Variants in RABGAP1L observed in about 807,000 individuals in gnomAD.
RABGAP1L encodes RAB GTPase activating protein 1 like.
RABGAP1L carries 63 observed loss-of-function variants against 137.7 expected under a neutral mutation model. The ratio of observed to expected loss-of-function variants is 0.46; its 90% CI spans 0.37 to 0.56. The LOEUF (loss-of-function observed/expected upper bound fraction) is 0.56, where lower values mean the gene tolerates loss of function less well. RABGAP1L is among the 20% of genes least tolerant of loss of function. The pLI, the probability that RABGAP1L is intolerant of heterozygous loss-of-function variation, is 0.00. For synonymous variants in RABGAP1L, 431 were observed against 433.7 expected (o/e 0.99, Z 0.08); for missense variants, 1,095 against 1,244.0 (o/e 0.88, Z 1.80).
At chr1:174,679,722 T>G (rs1241417421) in intron 14 of RABGAP1L, among the ~76,000 whole-genome samples, 1 of 152,230 alleles carries the variant, frequency 6.6e-6, no homozygotes, top group Non-Finnish European at 1.5e-5. Flanking sequence ...GGTTCATGAC[T>G]GTTAGACTCT....
chr1:174,657,415 A>G (rs1255172509), intron 14 of RABGAP1L, among the ~76,000 whole-genome samples: 1 of 152,038 alleles, frequency 6.6e-6, no homozygotes, highest in East Asian at 1.9e-4. Flanking sequence ...TACCCTTCCA[A>G]GCTTCTAGTA....
At chr1:174,303,782 A>G (rs759447725) in intron 10 of RABGAP1L, among the ~76,000 whole-genome samples, 10 of 152,224 alleles carry the variant, frequency 6.6e-5, no homozygotes, top group Non-Finnish European at 1.3e-4. Context: ...GAAATATTTT[A>G]CCACTATTGT....
intron 13 of RABGAP1L, among the ~76,000 whole-genome samples, chr1:174,492,218 T>C (rs1427090705): frequency 1.3e-5 from 2 of 150,584 alleles, no homozygotes; most frequent in South Asian, 2.1e-4. Flanking sequence ...TTCACTCTTA[T>C]TGCTCAGACT....
intron 19 of RABGAP1L, among the ~76,000 whole-genome samples, chr1:174,913,703 C>T (rs1660406869): frequency 6.6e-6 from 1 of 152,096 alleles, no homozygotes; most frequent in Non-Finnish European, 1.5e-5. Context: ...AATGAGCTGT[C>T]TGCAAAGGGT....
At chr1:174,710,325 A>T (rs755369625) in intron 17 of RABGAP1L, among the ~76,000 whole-genome samples, 1 of 152,212 alleles carries the variant, frequency 6.6e-6, no homozygotes, top group Non-Finnish European at 1.5e-5. Flanking sequence ...CCACAGAGAT[A>T]CTATTCCTTT....
chr1:174,662,074 G>A (rs1400102245), intron 14 of RABGAP1L, among the ~76,000 whole-genome samples: 1 of 150,852 alleles, frequency 6.6e-6, no homozygotes. Context: ...GGTCGTTCAG[G>A]AGGTATCCAG....
At chr1:174,638,363 G>A (rs910987212) in intron 14 of RABGAP1L, among the ~76,000 whole-genome samples, 1 of 152,120 alleles carries the variant, frequency 6.6e-6, no homozygotes, top group African/African-American at 2.4e-5. Flanking sequence ...TTTAAAAACA[G>A]CACTTATAAA....
At chr1:174,226,899 T>C (rs918148887) in intron 3 of RABGAP1L, among the ~76,000 whole-genome samples, 1 of 152,186 alleles carries the variant, frequency 6.6e-6, no homozygotes, top group Non-Finnish European at 1.5e-5. Context: ...AGTAAACTAC[T>C]ATCTGTGAGC....
In RABGAP1L at chr1:174,969,372, GAATGACTTGGATCAGGTAATCCTTAGA is replaced by G; in HGVS notation, c.2535_2544+17del. On this transcript the variant is annotated splice_donor_variant and splice_donor_5th_base_variant and coding_sequence_variant and intron_variant, in exon 21 of 26. Coordinates refer to ENST00000681986, the MANE Select transcript of RABGAP1L (RefSeq NM_001366446.1). LOFTEE classifies it high-confidence loss of function. Reference sequence around the variant, plus strand: ...TAGTAACAAGCAAAATTGCTCTACGGAATGACTTGGATCAGGTAATCCTTAGAAATGAGACTGTGATGACTTCCTCAG... The same window carrying G: ...TAGTAACAAGCAAAATTGCTCTACGGAATGAGACTGTGATGACTTCCTCAG... 1 of 1,549,528 alleles carries G rather than the reference GAATGACTTGGATCAGGTAATCCTTAGA, an allele frequency of 6.5e-7. No homozygotes were observed.
intron 19 of RABGAP1L, among the ~76,000 whole-genome samples, chr1:174,875,119 A>G (rs1477562500): frequency 6.6e-6 from 1 of 152,226 alleles, no homozygotes; most frequent in Non-Finnish European, 1.5e-5. Flanking sequence ...TTTTTAAAAC[A>G]TTTATCTAAG....
At chr1:174,500,548 G>C (rs1472854738) in intron 13 of RABGAP1L, among the ~76,000 whole-genome samples, 1 of 152,262 alleles carries the variant, frequency 6.6e-6, no homozygotes, top group Admixed American at 6.5e-5. Context: ...CTACCCTGCA[G>C]ATATTCATAG....
chr1:174,970,493 T>G (rs1319098981), intron 21 of RABGAP1L, among the ~76,000 whole-genome samples: 1 of 152,236 alleles, frequency 6.6e-6, no homozygotes, highest in East Asian at 1.9e-4. Context: ...TTCAAAGTTG[T>G]TTGGCAAATG....
chr1:174,207,785 T>C (rs1890881), intron 1 of RABGAP1L, among the ~76,000 whole-genome samples: 19,219 of 152,140 alleles, frequency 0.13, 1,309 homozygotes, highest in East Asian at 0.22. Flanking sequence ...TTGAAAAATA[T>C]AGGGGTATTC....
chr1:174,492,894 A>T (rs1225787093), intron 13 of RABGAP1L, among the ~76,000 whole-genome samples: 1 of 151,974 alleles, frequency 6.6e-6, no homozygotes, highest in African/African-American at 2.4e-5. Flanking sequence ...ATAAGCAGGT[A>T]TACTCACTTT....
At chr1:174,933,056 A>G (rs1664110960) in intron 19 of RABGAP1L, among the ~76,000 whole-genome samples, 1 of 152,208 alleles carries the variant, frequency 6.6e-6, no homozygotes, top group African/African-American at 2.4e-5. Flanking sequence ...AGCAGACAGA[A>G]CTAGGGACTA....
intron 1 of RABGAP1L, among the ~76,000 whole-genome samples, chr1:174,167,566 T>G (rs1665016401): frequency 6.6e-6 from 1 of 152,172 alleles, no homozygotes; most frequent in South Asian, 2.1e-4. Context: ...GTATGCCCAA[T>G]TTCAAGAAAG....
At chr1:174,328,009 A>ATATATATATATATG (rs1558136467) in intron 11 of RABGAP1L, among the ~76,000 whole-genome samples, 36 of 128,868 alleles carry the variant, frequency 2.8e-4, no homozygotes, top group African/African-American at 1.1e-3. Flanking sequence ...ATATATATAT[A>ATATATATATATATG]TATATATATA....
At position 174,440,765 on chromosome 1, in the gene RABGAP1L, C is replaced by T. The variant is rs148871128; in HGVS notation, c.1710+46620C>T. Among the ~76,000 whole-genome samples, 582 of 152,180 alleles carry T rather than the reference C, an allele frequency of 3.8e-3. 4 individuals are homozygous for T. The highest frequency in any genetic ancestry group is 0.012 in the African/African-American group (502 of 41,524). On this transcript the variant is annotated intron_variant, in intron 13 of 25. Transcript: ENST00000681986. ...AGAGGCAGGGCTTCACCATATTGGC[C>T]AGGCTGGTCTTGAACTCCTGACCTC...
At chr1:174,610,013 A>T (rs1206948970) in intron 13 of RABGAP1L, among the ~76,000 whole-genome samples, 1 of 150,568 alleles carries the variant, frequency 6.6e-6, no homozygotes, top group African/African-American at 2.4e-5. Context: ...TTGATATTAG[A>T]AAAGACATTT....
Sources: allele counts gnomAD v4.1 joint callset (sites outside exome capture counted in the v4.1 genomes callset), GRCh38; gene constraint gnomAD v4.1.1; transcripts MANE v1.5; gene names NCBI Gene and HGNC (gene_info 2026-07-23, HGNC 2026-07-21).